The following CHD2 variants were observed in gnomAD, a reference collection of about 807,000 sequenced individuals.
The protein encoded by CHD2 is ATP-dependent chromatin remodeler CHD2.
Under a neutral mutation model 243.9 loss-of-function variants are expected in CHD2, and 28 were observed. That is an observed-to-expected ratio of 0.11 (90% CI 0.09 to 0.16). CHD2 has a LOEUF of 0.16. Ranked by LOEUF, CHD2 falls within the 10% of genes least tolerant of loss-of-function variation. The pLI is 1.00. For synonymous variants in CHD2, 775 were observed against 779.0 expected, an observed-to-expected ratio of 0.99 and a Z score of 0.09; for missense variants, 1,386 against 2,209.8, an observed-to-expected ratio of 0.63 and a Z score of 7.47.
At chr15:92,936,873 A>G (rs183661902) in intron 5 of CHD2, among the ~76,000 whole-genome samples, 15 of 151,736 alleles carry the variant, frequency 9.9e-5, no homozygotes, top group African/African-American at 3.1e-4. Flanking sequence ...AGATAGGGGC[A>G]GGGTTTCACT....
intron 16 of CHD2, 94 bp downstream of exon 16, chr15:92,956,743 G>A (rs1187929191): frequency 5.8e-6 from 7 of 1,216,810 alleles, no homozygotes; most frequent in Non-Finnish European, 8.0e-6. Flanking sequence ...AAAACAGATG[G>A]CATGGTTTGG....
chr15:93,002,417 CTT>C (rs2054268895), intron 33 of CHD2, 100 bp downstream of exon 33: 2 of 1,521,646 alleles, frequency 1.3e-6, no homozygotes, highest in South Asian at 2.6e-5. Flanking sequence ...GAATAATTGT[CTT>C]TTTATGGGTA....
intron 16 of CHD2, chr15:92,965,094 G>A (rs1195671314): frequency 6.6e-6 from 1 of 152,164 alleles, no homozygotes; most frequent in South Asian, 2.1e-4. Context: ...TTCTAGTTCT[G>A]TGAGAGACAA....
intron 36 of CHD2, among the ~76,000 whole-genome samples, chr15:93,014,096 A>T (rs1328183482): frequency 6.6e-6 from 1 of 152,174 alleles, no homozygotes; most frequent in African/African-American, 2.4e-5. Context: ...TGAATACCAA[A>T]TATTTTTGTT....
At chr15:93,019,963 A>G (rs1421103787) in intron 37 of CHD2, 49 bp from the exon 38 acceptor site, 1 of 1,561,840 alleles carries the variant, frequency 6.4e-7, no homozygotes, top group South Asian at 1.2e-5. Flanking sequence ...GTGAAAGTGA[A>G]ATTCATCCAT....
rs1300940616 is a variant in CHD2 at position 92,979,163 on chromosome 15, G to C, written c.2756G>C (p.Gly919Ala). The C allele has an allele frequency of 6.2e-7, 1 of 1,613,974 alleles. No individual in the cohort carries two copies. Among genetic ancestry groups the C allele is most frequent in the South Asian group, 1.1e-5 (1 of 91,072 alleles). The change falls in exon 22 of 39, where the codon GGG becomes GCG. Residue 919 changes from glycine (G) to alanine (A), a missense_variant. Physicochemically the swap from Gly to Ala is moderately conservative, Grantham distance 60. Around this residue, in one of 19 missense-constraint regions of CHD2, gnomAD observed 18 missense variants for 115.3 expected, o/e 0.16. Transcript: ENST00000394196. ...QVNIYRLVTK[G>A]TVEEEIIERA... ...AATATTTACCGCTTAGTTACAAAGG[G>C]GACTGTGGAGGAGGAGATCATAGAA...
intron 35 of CHD2, among the ~76,000 whole-genome samples, chr15:93,009,761 GT>G (rs2054367366): frequency 6.6e-6 from 1 of 152,164 alleles, no homozygotes; most frequent in Non-Finnish European, 1.5e-5. Context: ...AGAACTATGA[GT>G]TCTCTATTCT....
chr15:92,906,101 A>T (rs1353081332), intron 2 of CHD2, among the ~76,000 whole-genome samples: 1 of 152,232 alleles, frequency 6.6e-6, no homozygotes, highest in Non-Finnish European at 1.5e-5. Flanking sequence ...ATAACAATTT[A>T]CCTATTAACT....
Position 92,929,047 on chromosome 15 carries a change from G to C in CHD2, c.399G>C (p.Glu133Asp). 6 of 1,611,806 alleles carry C rather than the reference G, an allele frequency of 3.7e-6. No individual in the cohort carries two copies. The highest frequency in any genetic ancestry group is 5.1e-6 in the Non-Finnish European group (6 of 1,178,738). Reference sequence around the variant, plus strand: ...CACTGAAGGCAAGTAGCGGGTCTGAGAGTGGGAGCCCAAAAAGAAGAGGCC... The same window carrying C: ...CACTGAAGGCAAGTAGCGGGTCTGACAGTGGGAGCCCAAAAAGAAGAGGCC... ...NIKEEASSGS[E>D]SGSPKRRGQR... Residue 133 changes from glutamate to aspartate, a missense_variant, in exon 5 of 39, where the codon GAG (glutamate) becomes GAC (aspartate). Coordinates refer to ENST00000394196, the MANE Select transcript of CHD2 (RefSeq NM_001271.4).
chr15:92,957,160 T>A (rs1280690825), intron 16 of CHD2, among the ~76,000 whole-genome samples: 4 of 152,228 alleles, frequency 2.6e-5, no homozygotes, highest in African/African-American at 9.6e-5. Context: ...ATACTTAGAA[T>A]AACATCTATA....
chr15:93,013,142 C>T (rs2054413667), intron 36 of CHD2, among the ~76,000 whole-genome samples: 2 of 152,210 alleles, frequency 1.3e-5, no homozygotes, highest in Non-Finnish European at 2.9e-5. Flanking sequence ...CAGGGAAGCA[C>T]TCAGGAGTAT....
At chr15:92,982,048 A>C (rs185285286) in intron 24 of CHD2, among the ~76,000 whole-genome samples, 27 of 152,338 alleles carry the variant, frequency 1.8e-4, no homozygotes, top group Non-Finnish European at 3.2e-4. Context: ...TAGAAGGTTG[A>C]AGCAAGACAA....
chr15:93,012,462 T>C lies in CHD2; in HGVS notation c.4692+18T>C. 1 of 1,513,376 alleles carries C rather than the reference T, an allele frequency of 6.6e-7. No homozygotes were observed. Among genetic ancestry groups the C allele is most frequent in the Non-Finnish European group, 9.0e-7 (1 of 1,112,048 alleles). The allele number at this position is 1,513,376 out of a possible 1,614,324, so 93.7% of individuals were successfully genotyped here. ...AAGAAGAGGTAAAGTACAAATTCAGTCCTAATTCATACAAACAAATACCAA... is the reference window on the plus strand; with the variant it reads ...AAGAAGAGGTAAAGTACAAATTCAGCCCTAATTCATACAAACAAATACCAA... On this transcript the variant is annotated intron_variant, in intron 36 of 38. Coordinates refer to ENST00000394196, the MANE Select transcript of CHD2 (RefSeq NM_001271.4).
intron 34 of CHD2, among the ~76,000 whole-genome samples, chr15:93,008,733 C>T (rs1361251803): frequency 6.6e-6 from 1 of 152,134 alleles, no homozygotes; most frequent in Admixed American, 6.5e-5. Flanking sequence ...AAGCCTTTCT[C>T]TTGCTTTCTT....
intron 5 of CHD2, among the ~76,000 whole-genome samples, chr15:92,935,256 T>TA (rs1567131993): frequency 6.6e-6 from 1 of 152,168 alleles, no homozygotes; most frequent in South Asian, 2.1e-4. Flanking sequence ...CAGGATGGTC[T>TA]CAATCTACTG....
chr15:92,946,872 A>G (rs927903866), intron 12 of CHD2: 1 of 151,920 alleles, frequency 6.6e-6, no homozygotes, highest in Non-Finnish European at 1.5e-5. Flanking sequence ...CTGAGGCGGC[A>G]GGATTGCTTG....
At position 93,010,038 on chromosome 15, in the gene CHD2, C is replaced by G. The variant is rs78749861; in HGVS notation, c.4592+715C>G. On this transcript the variant is annotated intron_variant, in intron 35 of 38. Coordinates refer to ENST00000394196, the MANE Select transcript of CHD2 (RefSeq NM_001271.4). ...CTTCTATCCCTCAGCCCCCTTCCCC[C>G]CAGAGTCCGTTATATCATTTTTATG... Among the ~76,000 whole-genome samples the G allele has an allele frequency of 9.8e-3, 1,488 of 152,316 alleles. 20 individuals are homozygous for G. Among genetic ancestry groups the G allele is most frequent in the African/African-American group, 0.02 (822 of 41,580 alleles).
chr15:92,906,797 C>T (rs1177041440), intron 2 of CHD2, among the ~76,000 whole-genome samples: 6 of 151,674 alleles, frequency 4.0e-5, no homozygotes, highest in Non-Finnish European at 8.8e-5. Context: ...AAAAAAATTC[C>T]TCTAAGAGTA....
intron 26 of CHD2, among the ~76,000 whole-genome samples, chr15:92,991,021 C>T (rs2054112782): frequency 6.6e-6 from 1 of 152,136 alleles, no homozygotes. Context: ...ATCTTAACAG[C>T]TGAAAAATCA....
Sources: gnomAD v4.1 joint callset for allele counts (sites outside exome capture counted in the v4.1 genomes callset) on GRCh38, gnomAD v4.1.1 for gene constraint, gnomAD v4.1.1 regional missense constraint, MANE v1.5 for transcripts, NCBI Gene and HGNC (gene_info 2026-07-23, HGNC 2026-07-21) for gene names.